ERGIC3: variants seen among roughly 807,000 people sequenced by gnomAD.
The protein encoded by ERGIC3 is ERGIC and golgi 3, also known as endoplasmic reticulum-Golgi intermediate compartment protein 3.
In ERGIC3, 33 loss-of-function variants were observed where a neutral mutation model predicts 54.7. The observed-to-expected ratio is 0.60, with a 90% CI of 0.46 to 0.81. ERGIC3 has a LOEUF of 0.81. ERGIC3 is among the 30% of genes least tolerant of loss of function. The pLI is 0.00. For missense variants in ERGIC3, 399 were observed against 488.4 expected (o/e 0.82, Z 1.73); for synonymous variants, 186 against 189.8 (o/e 0.98, Z 0.16).
In ERGIC3 at chr20:35,547,426, G is replaced by A. The variant is rs377327385; in HGVS notation, c.382G>A (p.Glu128Lys). 9.3e-6 allele frequency: 15 copies of A among 1,613,978 alleles called. No individual in the cohort carries two copies. The highest frequency in any genetic ancestry group is 3.3e-5 in the Admixed American group (2 of 60,008). Residue 128 changes from glutamate (E) to lysine (K), a missense_variant, in exon 5 of 13, where the codon GAG (glutamate) becomes AAG (lysine). Glu to Lys is a moderately conservative substitution (Grantham distance 56). Transcript: ENST00000348547. ...EAERHELGKV[E>K]VTVFDPDSLD... Reference sequence around the variant, plus strand: ...CCTCCCCTTAGAGCTTGGGAAAGTCGAGGTGACGGTGTTTGACCCTGACTC... The same window carrying A: ...CCTCCCCTTAGAGCTTGGGAAAGTCAAGGTGACGGTGTTTGACCCTGACTC...
In ERGIC3 at chr20:35,542,503, G is replaced by A; in HGVS notation, c.160-10G>A. On this transcript the variant is annotated splice_polypyrimidine_tract_variant and intron_variant, in intron 2 of 12. Coordinates refer to ENST00000348547, the MANE Select transcript of ERGIC3 (RefSeq NM_015966.3). The stretch of plus-strand genomic sequence containing the variant: ...TGGGGCTAAGTCTTACTGAGGTAGC[G>A]CTGCCCCAGGTGCATCCTGAGCTCT... 6.2e-7 allele frequency: 1 copy of A among 1,613,964 alleles called. No homozygotes were observed. Among genetic ancestry groups the A allele is most frequent in the Non-Finnish European group, 8.5e-7 (1 of 1,180,010 alleles).
chr20:35,555,323 G>C (rs982430442), intron 8 of ERGIC3, among the ~76,000 whole-genome samples: 1 of 152,090 alleles, frequency 6.6e-6, no homozygotes, highest in African/African-American at 2.4e-5. Context: ...AAGGTCAGGC[G>C]GGAGCATGGC....
At chr20:35,551,046 C>T (rs1361406758) in intron 7 of ERGIC3, among the ~76,000 whole-genome samples, 1 of 152,118 alleles carries the variant, frequency 6.6e-6, no homozygotes, top group African/African-American at 2.4e-5. Flanking sequence ...AATCCTAGCA[C>T]TTTGGGAGGC....
At chr20:35,549,977 G>A (rs541128084) in intron 7 of ERGIC3, among the ~76,000 whole-genome samples, 25 of 152,094 alleles carry the variant, frequency 1.6e-4, no homozygotes, top group South Asian at 2.1e-4. Flanking sequence ...TTATTGGGAC[G>A]TAACCCCAGT....
At chr20:35,551,847 G>T (rs1192628501) in intron 7 of ERGIC3, among the ~76,000 whole-genome samples, 1 of 152,190 alleles carries the variant, frequency 6.6e-6, no homozygotes, top group Non-Finnish European at 1.5e-5. Flanking sequence ...AGTGGGTTCG[G>T]GAGGGAATGG....
chr20:35,548,469 T>G (rs77272989), intron 5 of ERGIC3, 40 bp from the exon 6 acceptor site: 3 of 1,604,624 alleles, frequency 1.9e-6, no homozygotes, highest in African/African-American at 1.3e-5. Flanking sequence ...ACTGGACTTA[T>G]GCCTCTTTAA....
chr20:35,557,046 T>G lies in ERGIC3; in HGVS notation c.953T>G (p.Leu318Arg). ...AATGGGCTGTTGGGCGACCAAGGCC[T>G]TCCCGGAGTCTTCGTCCTCTATGAG... ...VANGLLGDQG[L>R]PGVFVLYELS... The change falls in exon 11 of 13, where the codon CTT becomes CGT. Residue 318 changes from leucine to arginine, a missense_variant. Coordinates refer to ENST00000348547, the MANE Select transcript of ERGIC3 (RefSeq NM_015966.3). The G allele has an allele frequency of 6.2e-7, 1 of 1,614,248 alleles. No individual in the cohort carries two copies. Among genetic ancestry groups the G allele is most frequent in the Non-Finnish European group, 8.5e-7 (1 of 1,180,034 alleles).
intron 7 of ERGIC3, among the ~76,000 whole-genome samples, chr20:35,553,987 G>A (rs1453031756): frequency 1.3e-5 from 2 of 152,194 alleles, no homozygotes; most frequent in South Asian, 2.1e-4. Flanking sequence ...TGTTGATTGG[G>A]GCTGGGGTGG....
At chr20:35,542,255 T>G in intron 1 of ERGIC3, 68 bp from the exon 2 acceptor site, 2 of 1,611,956 alleles carry the variant, frequency 1.2e-6, no homozygotes, top group Admixed American at 3.3e-5. Flanking sequence ...TCCTGGACTC[T>G]GACTGGCCTG....
intron 8 of ERGIC3, 90 bp downstream of exon 8, chr20:35,555,165 G>A: frequency 3.4e-6 from 5 of 1,452,266 alleles, no homozygotes; most frequent in Non-Finnish European, 4.8e-6. Flanking sequence ...CCTGGGATGG[G>A]GTAGTGCATA....
At position 35,555,097 on chromosome 20, in the gene ERGIC3, T is replaced by A. The variant is rs778001279; in HGVS notation, c.717+22T>A. The A allele has an allele frequency of 3.3e-6, 4 of 1,207,026 alleles. No individual in the cohort carries two copies. The East Asian group carries it at 9.4e-5, about 28-fold the overall frequency. The allele number at this position is 1,207,026 out of a possible 1,614,324, so 74.8% of individuals were successfully genotyped here. ...CAACGTACGTACCAGATGGAAACCA[T>A]GGAGGGCAGGTGGGGGTGGGAGGCT... On this transcript the variant is annotated intron_variant, in intron 8 of 12. Coordinates refer to ENST00000348547, the MANE Select transcript of ERGIC3 (RefSeq NM_015966.3).
chr20:35,544,376 AT>A (rs796688831), intron 4 of ERGIC3: 64 of 274,008 alleles, frequency 2.3e-4, no homozygotes, highest in South Asian at 2.9e-4. Flanking sequence ...GTTTAAATTT[AT>A]TTTTTTTCTG....
chr20:35,557,579 C>A lies in ERGIC3; in HGVS notation c.*75C>A. 7.8e-7 allele frequency: 1 copy of A among 1,289,404 alleles called. No individual in the cohort carries two copies. The highest frequency in any genetic ancestry group is 1.1e-6 in the Non-Finnish European group (1 of 889,598). The allele number at this position is 1,289,404 out of a possible 1,614,324, so 79.9% of individuals were successfully genotyped here. Reference sequence around the variant, plus strand: ...TCCCCCAGCCTCTGCCACCCTCCACCTCCTCGGTCAGCCCCAGCCCCAGGT... The same window carrying A: ...TCCCCCAGCCTCTGCCACCCTCCACATCCTCGGTCAGCCCCAGCCCCAGGT... On this transcript the variant is annotated 3_prime_UTR_variant, in exon 13 of 13. Transcript: ENST00000348547.
At chr20:35,557,152 GGGA>G (rs772359227) in intron 11 of ERGIC3, 39 bp from the exon 12 acceptor site, 1 of 1,614,214 alleles carries the variant, frequency 6.2e-7, no homozygotes, top group East Asian at 2.2e-5. Flanking sequence ...CTGGGCCTGA[GGGA>G]GGAGGATGCC....
At chr20:35,545,972 G>A (rs1268881906) in intron 4 of ERGIC3, among the ~76,000 whole-genome samples, 1 of 152,116 alleles carries the variant, frequency 6.6e-6, no homozygotes, top group Non-Finnish European at 1.5e-5. Flanking sequence ...CTGTACCCTG[G>A]GTATCTCCAA....
At chr20:35,546,540 T>G (rs2064649895) in intron 4 of ERGIC3, among the ~76,000 whole-genome samples, 1 of 152,098 alleles carries the variant, frequency 6.6e-6, no homozygotes, top group Non-Finnish European at 1.5e-5. Flanking sequence ...CTAAAGGAGC[T>G]TCAGGAAAGA....
intron 8 of ERGIC3, among the ~76,000 whole-genome samples, chr20:35,555,569 G>C (rs1262352703): frequency 6.6e-6 from 1 of 152,120 alleles, no homozygotes; most frequent in African/African-American, 2.4e-5. Context: ...GTGTATCTGG[G>C]GGTTCACAGC....
chr20:35,549,439 G>A (rs2064670018), intron 7 of ERGIC3: 1 of 349,246 alleles, frequency 2.9e-6, no homozygotes, highest in Admixed American at 4.2e-5. Flanking sequence ...GTTCATTCAT[G>A]CATTCACAAA....
chr20:35,555,144 T>C lies in ERGIC3; in HGVS notation c.717+69T>C, dbSNP rs894596965. 3 of 1,565,764 alleles carry C rather than the reference T, an allele frequency of 1.9e-6. No individual in the cohort carries two copies. In the African/African-American group the frequency reaches 4.1e-5, roughly 21 times the overall value. On this transcript the variant is annotated intron_variant, in intron 8 of 12. Transcript: ENST00000348547. ...GGCTTGGTTGCTGCCTTCATTTCCT[T>C]GTAGGAACATCCTGGGATGGGGTAG...
Sources: gnomAD v4.1 joint callset for allele counts (sites outside exome capture counted in the v4.1 genomes callset) on GRCh38, gnomAD v4.1.1 for gene constraint, MANE v1.5 for transcripts, NCBI Gene and HGNC (gene_info 2026-07-23, HGNC 2026-07-21) for gene names.